The following METTL15 variants were observed in gnomAD, a reference collection of about 807,000 sequenced individuals.
METTL15 encodes methyltransferase 15, mitochondrial 12S rRNA N4-cytidine, also known as 12S rRNA N(4)-cytidine methyltransferase METTL15.
A neutral mutation model predicts 38.3 loss-of-function variants in METTL15; 34 were observed. That is an observed-to-expected ratio of 0.89 (90% CI 0.68 to 1.18). METTL15 has a LOEUF of 1.18. METTL15 is among the 50% of genes most tolerant of loss of function. The probability of loss-of-function intolerance (pLI) is 0.00; values close to 1 mark genes in which losing one functional copy is unlikely to be tolerated. For missense variants in METTL15, 438 were observed against 498.4 expected, an observed-to-expected ratio of 0.88 and a Z score of 1.15; for synonymous variants, 162 against 170.9, an observed-to-expected ratio of 0.95 and a Z score of 0.41.
At chr11:28,390,142 G>A (rs968241010) in intron 5 of METTL15, among the ~76,000 whole-genome samples, 1 of 151,950 alleles carries the variant, frequency 6.6e-6, no homozygotes, top group African/African-American at 2.4e-5. Flanking sequence ...TTTGTCAGAT[G>A]AGTAGGTTGT....
At chr11:28,433,506 T>G (rs1028205651) in intron 6 of METTL15, among the ~76,000 whole-genome samples, 3 of 152,180 alleles carry the variant, frequency 2.0e-5, no homozygotes, top group African/African-American at 4.8e-5. Flanking sequence ...GGGGATAATA[T>G]CAGTTCCTGT....
At chr11:28,273,589 T>A (rs936192548) in intron 4 of METTL15, among the ~76,000 whole-genome samples, 1 of 152,062 alleles carries the variant, frequency 6.6e-6, no homozygotes, top group African/African-American at 2.4e-5. Flanking sequence ...CACATATATA[T>A]ATTGAGTGGC....
intron 3 of METTL15, among the ~76,000 whole-genome samples, chr11:28,186,210 A>T (rs910678478): frequency 6.6e-6 from 1 of 151,196 alleles, no homozygotes; most frequent in Non-Finnish European, 1.5e-5. Context: ...GCTTAAATAG[A>T]AGTCATTGCT....
In METTL15 at chr11:28,117,056, T is replaced by C. The variant is rs1283684916; in HGVS notation, c.270+3452T>C. 2.0e-5 allele frequency among the ~76,000 whole-genome samples: 3 copies of C among 152,240 alleles called. No individual in the cohort carries two copies. The East Asian group carries it at 5.8e-4, about 29-fold the overall frequency. On this transcript the variant is annotated intron_variant, in intron 3 of 6. Transcript: ENST00000407364. ...AAATATTAAATTGGATAAAACTTCT[T>C]GTTGAATGTGAGTGACTTCATCAAA...
rs542561226 is a variant in METTL15 at position 28,211,168 on chromosome 11, C to T, written c.377C>T (p.Ala126Val). The T allele has an allele frequency of 6.2e-7, 1 of 1,610,898 alleles. No individual in the cohort carries two copies. The highest frequency in any genetic ancestry group is 8.5e-7 in the Non-Finnish European group (1 of 1,178,606). Residue 126 changes from alanine (A) to valine (V), a missense_variant, in exon 4 of 7, where the codon GCA (alanine) becomes GTA (valine). Ala to Val is a moderately conservative substitution (Grantham distance 64, BLOSUM62 0). Coordinates refer to ENST00000407364, the MANE Select transcript of METTL15 (RefSeq NM_001113528.2). ...YALDRDPTAY[A>V]LAEHLSELYP... The stretch of plus-strand genomic sequence containing the variant: ...TTGGACAGAGACCCAACAGCTTATG[C>T]ATTAGCTGAACATCTTTCAGAGTTG...
At chr11:28,165,429 G>A (rs1197414929) in intron 3 of METTL15, among the ~76,000 whole-genome samples, 1 of 152,048 alleles carries the variant, frequency 6.6e-6, no homozygotes, top group Non-Finnish European at 1.5e-5. Context: ...GATGATTAAT[G>A]ATATAGAGCT....
At chr11:28,382,965 T>C (rs1850404540) in intron 5 of METTL15, among the ~76,000 whole-genome samples, 1 of 151,852 alleles carries the variant, frequency 6.6e-6, no homozygotes. Context: ...ATCTTTTTTT[T>C]TTTTTTAACT....
chr11:28,114,442 G>A (rs371549443), intron 3 of METTL15, among the ~76,000 whole-genome samples: 1 of 151,908 alleles, frequency 6.6e-6, no homozygotes, highest in Non-Finnish European at 1.5e-5. Context: ...ACGAACATTC[G>A]TGTACAAGTT....
chr11:28,515,958 G>A (rs7944721), intron 6 of METTL15, among the ~76,000 whole-genome samples: 68,590 of 152,012 alleles, frequency 0.45, 16,033 homozygotes, highest in Admixed American at 0.54. Context: ...TTGATAGACA[G>A]CTATCTGTTT....
intron 6 of METTL15, among the ~76,000 whole-genome samples, chr11:28,463,573 TA>T (rs1479867180): frequency 6.6e-6 from 1 of 152,184 alleles, no homozygotes; most frequent in Non-Finnish European, 1.5e-5. Context: ...TGAAGGGCTC[TA>T]AGTCATATGA....
At chr11:28,343,776 A>C (rs1389472294) in intron 3 of METTL15, among the ~76,000 whole-genome samples, 3 of 152,180 alleles carry the variant, frequency 2.0e-5, no homozygotes, top group East Asian at 3.9e-4. Flanking sequence ...ACATCTATTG[A>C]GTGTCTATTT....
chr11:28,172,589 A>G (rs911241327), intron 3 of METTL15, among the ~76,000 whole-genome samples: 3 of 152,140 alleles, frequency 2.0e-5, no homozygotes, highest in African/African-American at 7.2e-5. Context: ...ACTGCCTTAC[A>G]TTCTGTTTTA....
At chr11:28,180,435 T>G (rs1176396277) in intron 3 of METTL15, among the ~76,000 whole-genome samples, 5 of 151,782 alleles carry the variant, frequency 3.3e-5, no homozygotes, top group Non-Finnish European at 7.4e-5. Flanking sequence ...AAAAGTAATC[T>G]AAAACTGTAA....
chr11:28,414,199 C>G (rs571276580), intron 5 of METTL15, among the ~76,000 whole-genome samples: 12 of 152,114 alleles, frequency 7.9e-5, no homozygotes, highest in Admixed American at 2.6e-4. Flanking sequence ...TGCTCAGGAG[C>G]AGTGGTCACC....
chr11:28,252,425 C>T (rs1854783345), intron 4 of METTL15, among the ~76,000 whole-genome samples: 1 of 152,122 alleles, frequency 6.6e-6, no homozygotes, highest in Non-Finnish European at 1.5e-5. Context: ...TTTTATTTCT[C>T]AGCTACCTAC....
chr11:28,409,381 CAAAAA>C (rs58050337), intron 5 of METTL15, among the ~76,000 whole-genome samples: 3 of 81,338 alleles, frequency 3.7e-5, no homozygotes, highest in Admixed American at 3.9e-4. Context: ...GACTCCGTCT[CAAAAA>C]AAAAAAAAAA....
intron 5 of METTL15, among the ~76,000 whole-genome samples, chr11:28,368,350 C>T (rs1393126260): frequency 6.6e-6 from 1 of 152,000 alleles, no homozygotes; most frequent in Non-Finnish European, 1.5e-5. Flanking sequence ...AGGATATGAA[C>T]AGACACTTCT....
At chr11:28,158,831 C>T (rs1333798721) in intron 3 of METTL15, among the ~76,000 whole-genome samples, 1 of 152,124 alleles carries the variant, frequency 6.6e-6, no homozygotes, top group Non-Finnish European at 1.5e-5. Flanking sequence ...GGTGGAATGG[C>T]CTTTTGAAGT....
At chr11:28,380,081 G>C (rs1161731298) in intron 5 of METTL15, among the ~76,000 whole-genome samples, 1 of 150,500 alleles carries the variant, frequency 6.6e-6, no homozygotes, top group Non-Finnish European at 1.5e-5. Context: ...TTCATTTTTA[G>C]TCTATGTGTA....
Sources: gnomAD v4.1 joint callset for allele counts (sites outside exome capture counted in the v4.1 genomes callset) on GRCh38, gnomAD v4.1.1 for gene constraint, MANE v1.5 for transcripts, NCBI Gene and HGNC (gene_info 2026-07-23, HGNC 2026-07-21) for gene names.